PUM1: variants seen among roughly 807,000 people sequenced by gnomAD.
The protein encoded by PUM1 is pumilio RNA binding family member 1, also known as pumilio homolog 1.
A neutral mutation model predicts 131.8 loss-of-function variants in PUM1; 13 were observed. The observed-to-expected ratio is 0.10, with a 90% CI of 0.06 to 0.16. The LOEUF is 0.16. Among genes scored for constraint, PUM1 ranks in the 10% least tolerant of loss-of-function variants. The pLI, the probability that PUM1 is intolerant of heterozygous loss-of-function variation, is 1.00. For synonymous variants in PUM1, 509 were observed against 556.5 expected (o/e 0.91, Z 1.20); for missense variants, 961 against 1,512.4 (o/e 0.64, Z 6.05).
intron 3 of PUM1, among the ~76,000 whole-genome samples, chr1:31,014,215 C>G (rs1642724841): frequency 6.7e-6 from 1 of 149,126 alleles, no homozygotes; most frequent in South Asian, 2.1e-4. Context: ...GTGGGAGGAT[C>G]ACCTGAGCCC....
intron 21 of PUM1, among the ~76,000 whole-genome samples, chr1:30,935,304 T>TC (rs1431246983): frequency 1.3e-5 from 2 of 152,204 alleles, no homozygotes; most frequent in Non-Finnish European, 2.9e-5. Flanking sequence ...GAAAGGGTCA[T>TC]CACTCTATTA....
chr1:31,033,021 G>A (rs941866870), intron 2 of PUM1, among the ~76,000 whole-genome samples: 8 of 151,062 alleles, frequency 5.3e-5, no homozygotes, highest in Non-Finnish European at 7.4e-5. Flanking sequence ...CAGGAGAATC[G>A]CTTGAATCCT....
intron 6 of PUM1, among the ~76,000 whole-genome samples, chr1:30,993,989 G>A (rs970755197): frequency 6.6e-6 from 1 of 152,194 alleles, no homozygotes; most frequent in Non-Finnish European, 1.5e-5. Flanking sequence ...AAGACTGCTT[G>A]AACTCAGGAG....
chr1:30,953,852 C>A lies in PUM1; in HGVS notation c.2453G>T (p.Arg818Leu). The change falls in exon 15 of 22, where the codon CGA (arginine) becomes CTA (leucine). Residue 818 changes from arginine (R) to leucine (L), a missense_variant. Arg to Leu is a moderately radical substitution (Grantham distance 102). Coordinates refer to ENST00000426105, the MANE Select transcript of PUM1 (RefSeq NM_001020658.2). ...AGGCATGACATCAGACATTCCATAT[C>A]GCAAACGAGAGGAAGAGAAAAGAGT... Reference protein sequence around the residue: ...SSTLFSSSRLRYGMSDVMPSG... With the variant: ...SSTLFSSSRLLYGMSDVMPSG... 2.5e-6 allele frequency: 4 copies of A among 1,614,206 alleles called. 1 individual carries two copies. The South Asian group carries it at 4.4e-5, about 18-fold the overall frequency.
At chr1:30,983,859 T>C (rs1364644049) in intron 7 of PUM1, among the ~76,000 whole-genome samples, 1 of 151,426 alleles carries the variant, frequency 6.6e-6, no homozygotes, top group Non-Finnish European at 1.5e-5. Flanking sequence ...CACTTTGGCC[T>C]CCCAAAGGAC....
intron 6 of PUM1, 83 bp from the exon 7 acceptor site, chr1:30,992,743 C>A: frequency 1.8e-6 from 2 of 1,127,234 alleles, no homozygotes; most frequent in Non-Finnish European, 2.6e-6. Flanking sequence ...ACAATGTCCT[C>A]AACATAGCTC....
intron 8 of PUM1, 106 bp from the exon 9 acceptor site, chr1:30,980,269 A>G (rs1641307419): frequency 1.1e-6 from 1 of 903,454 alleles, no homozygotes; most frequent in South Asian, 1.4e-5. Context: ...ATAAGGAAAA[A>G]ATGAAAAAAG....
chr1:31,047,184 A>G (rs1643989522), intron 2 of PUM1, among the ~76,000 whole-genome samples: 1 of 152,090 alleles, frequency 6.6e-6, no homozygotes, highest in Non-Finnish European at 1.5e-5. Flanking sequence ...TAGAGACCCA[A>G]TCTCAAAAAA....
chr1:30,933,308 G>T lies in PUM1; in HGVS notation c.3470C>A (p.Thr1157Asn). ...CTTGGCCAGAATGTGCTTGCCATAG[G>T]TGTACTTACGAAGAGTTGCGATGTG... ...RPHIATLRKY[T>N]YGKHILAKLE... Residue 1157 changes from threonine to asparagine, a missense_variant, in exon 22 of 22, where the codon ACC becomes AAC. By Grantham distance (65) the Thr-to-Asn change is moderately conservative. This residue lies in a region of PUM1 where 178 missense variants were observed against 327.5 expected (regional missense o/e 0.54). Transcript: ENST00000426105. 1 of 1,613,796 alleles carries T rather than the reference G, an allele frequency of 6.2e-7. No homozygotes were observed. The highest frequency in any genetic ancestry group is 8.5e-7 in the Non-Finnish European group (1 of 1,179,752).
chr1:31,001,042 C>A (rs1642191398), intron 5 of PUM1, among the ~76,000 whole-genome samples: 1 of 151,848 alleles, frequency 6.6e-6, no homozygotes, highest in African/African-American at 2.4e-5. Context: ...GAAAAATTAG[C>A]TGGGCATGGT....
chr1:30,998,311 T>C (rs960032606), intron 5 of PUM1, among the ~76,000 whole-genome samples: 2 of 151,876 alleles, frequency 1.3e-5, no homozygotes, highest in Non-Finnish European at 2.9e-5. Context: ...AAAGCACAAA[T>C]AGGAAACCAT....
chr1:30,972,279 A>G (rs75936680), intron 10 of PUM1, among the ~76,000 whole-genome samples: 1,076 of 2,506 alleles, frequency 0.43, 76 homozygotes, highest in African/African-American at 0.45. Flanking sequence ...AAGGGAAGGG[A>G]AGGGAAGGGG....
chr1:31,062,210 C>CT (rs538628376), intron 1 of PUM1, among the ~76,000 whole-genome samples: 1 of 152,188 alleles, frequency 6.6e-6, no homozygotes, highest in African/African-American at 2.4e-5. Flanking sequence ...CTCTACTCCT[C>CT]TGGAAGACCA....
intron 17 of PUM1, 120 bp downstream of exon 17, chr1:30,950,007 G>A: frequency 8.7e-7 from 1 of 1,151,794 alleles, no homozygotes; most frequent in South Asian, 1.8e-5. Context: ...CAAAAAGGCA[G>A]CCATAAGCAA....
At chr1:31,065,521 C>A (rs1644464734) in intron 1 of PUM1, 95 bp downstream of exon 1, 1 of 1,387,100 alleles carries the variant, frequency 7.2e-7, no homozygotes. Flanking sequence ...GCCCTTCTCA[C>A]CCCCACAACC....
At chr1:31,032,571 TAAA>T (rs11295813) in intron 2 of PUM1, among the ~76,000 whole-genome samples, 28 of 144,582 alleles carry the variant, frequency 1.9e-4, no homozygotes, top group East Asian at 4.2e-4. Context: ...ATCTTTTTTT[TAAA>T]AAAAAAAAAA....
rs142041948 is a variant in PUM1 at position 31,024,098 on chromosome 1, C to G, written c.432+4698G>C. Among the ~76,000 whole-genome samples the G allele has an allele frequency of 8.1e-3, 1,235 of 152,244 alleles. 21 individuals are homozygous for G. The highest frequency in any genetic ancestry group is 0.029 in the African/African-American group (1,185 of 41,536). ...AGAAAGAAGGGCAAGCTCCCAGAAT[C>G]TTAGACCTGAAAAGGTCCTAGGAAA... On this transcript the variant is annotated intron_variant, in intron 3 of 21. Coordinates refer to ENST00000426105, the MANE Select transcript of PUM1 (RefSeq NM_001020658.2).
At chr1:30,996,382 C>T (rs1470430309) in intron 5 of PUM1, among the ~76,000 whole-genome samples, 1 of 152,198 alleles carries the variant, frequency 6.6e-6, no homozygotes, top group Non-Finnish European at 1.5e-5. Flanking sequence ...CAGCAGCAGA[C>T]ACTCGGTTAT....
At chr1:31,034,104 T>C (rs1343682412) in intron 2 of PUM1, among the ~76,000 whole-genome samples, 1 of 152,234 alleles carries the variant, frequency 6.6e-6, no homozygotes, top group Non-Finnish European at 1.5e-5. Flanking sequence ...GCAAACATTA[T>C]GTTAAACCAT....
Sources: gnomAD v4.1 joint callset for allele counts (sites outside exome capture counted in the v4.1 genomes callset) on GRCh38, gnomAD v4.1.1 for gene constraint, gnomAD v4.1.1 regional missense constraint, MANE v1.5 for transcripts, NCBI Gene and HGNC (gene_info 2026-07-23, HGNC 2026-07-21) for gene names.